SASH1: variants seen among roughly 807,000 people sequenced by gnomAD.
The protein encoded by SASH1 is SAM and SH3 domain-containing protein 1.
SASH1 carries 44 observed loss-of-function variants against 125.2 expected under a neutral mutation model. The ratio of observed to expected loss-of-function variants is 0.35; its 90% CI spans 0.28 to 0.45. The LOEUF is 0.45. Among genes scored for constraint, SASH1 ranks in the 20% least tolerant of loss-of-function variants. SASH1 has a pLI of 1.00. For missense variants in SASH1, 1,426 were observed against 1,614.5 expected, an observed-to-expected ratio of 0.88 and a Z score of 2.00; for synonymous variants, 639 against 649.1, an observed-to-expected ratio of 0.98 and a Z score of 0.24.
intron 8 of SASH1, among the ~76,000 whole-genome samples, chr6:148,499,064 T>TTG (rs1779450508): frequency 2.7e-5 from 4 of 150,410 alleles, no homozygotes; most frequent in Non-Finnish European, 1.5e-5. Context: ...TTTGTTTTTT[T>TTG]TTTTTTTTTT....
At chr6:148,493,550 A>T (rs1176008002) in intron 8 of SASH1, among the ~76,000 whole-genome samples, 1 of 152,206 alleles carries the variant, frequency 6.6e-6, no homozygotes, top group African/African-American at 2.4e-5. Flanking sequence ...AGTTTTAGGG[A>T]TCACAAGGCC....
At chr6:148,198,719 G>C in the SASH1 span, among the ~76,000 whole-genome samples, 9 of 152,198 alleles carry the variant, frequency 5.9e-5, no homozygotes, top group African/African-American at 2.2e-4. Flanking sequence ...TCATCAACAT[G>C]TTCTGTTTGA....
the SASH1 span, among the ~76,000 whole-genome samples, chr6:148,252,018 GA>G: frequency 6.6e-6 from 1 of 152,148 alleles, no homozygotes. Context: ...GCAATAGAGA[GA>G]AAAGCTACAC....
At chr6:148,498,228 AAC>A (rs748740243) in intron 8 of SASH1, among the ~76,000 whole-genome samples, 18,461 of 99,056 alleles carry the variant, frequency 0.19, 1,202 homozygotes, top group African/African-American at 0.24. Flanking sequence ...TACAAAAACA[AAC>A]AAACAAAAAA....
intron 2 of SASH1, among the ~76,000 whole-genome samples, chr6:148,409,674 G>A (rs370196234): frequency 2.6e-5 from 4 of 152,350 alleles, no homozygotes; most frequent in South Asian, 4.1e-4. Flanking sequence ...GGTGGCTCAC[G>A]CCTGTAATCC....
chr6:148,532,975 C>T lies in SASH1; in HGVS notation c.1734+9C>T, dbSNP rs1048300751. ...ACTCACTCAAGCTCAAGGTATCTCT[C>T]TCCCTGGCCTCAGAGCAGCTAACTG... is the stretch of plus-strand genomic sequence containing the variant. On this transcript the variant is annotated intron_variant, in intron 14 of 19. Transcript: ENST00000367467. The surrounding 1 kb of genome is among the most constrained non-coding windows in gnomAD (Gnocchi z 4.7). 3.7e-6 allele frequency: 6 copies of T among 1,613,178 alleles called. No homozygotes were observed. In the African/African-American group the frequency reaches 5.3e-5, roughly 14 times the overall value.
chr6:148,393,834 A>C (rs186906529), intron 2 of SASH1: 1 of 506,410 alleles, frequency 2.0e-6, no homozygotes, highest in African/African-American at 2.1e-5. Flanking sequence ...TCATTCTTTA[A>C]ATTGTAGTTA....
At chr6:148,399,132 C>T (rs1370543166) in intron 2 of SASH1, among the ~76,000 whole-genome samples, 1 of 151,994 alleles carries the variant, frequency 6.6e-6, no homozygotes, top group East Asian at 1.9e-4. Context: ...GCGGAAACCA[C>T]CGGGTTGGCT....
At chr6:148,383,623 CT>C (rs1407817745) in intron 1 of SASH1, among the ~76,000 whole-genome samples, 2 of 151,884 alleles carry the variant, frequency 1.3e-5, no homozygotes, top group Non-Finnish European at 2.9e-5. Context: ...TTTTCAGATG[CT>C]TTTTTTTCTT....
At chr6:148,274,767 G>C (rs1464870945) in intron 1 of SASH1, among the ~76,000 whole-genome samples, 2 of 152,206 alleles carry the variant, frequency 1.3e-5, no homozygotes, top group Admixed American at 1.3e-4. Context: ...TCAGAAGTTT[G>C]GGGAGAAAAT....
chr6:148,351,978 G>A (rs1781745404), intron 1 of SASH1, among the ~76,000 whole-genome samples: 1 of 151,888 alleles, frequency 6.6e-6, no homozygotes, highest in Non-Finnish European at 1.5e-5. Context: ...CAACTTTGTA[G>A]CATTCCTTGT....
At chr6:148,298,681 G>A (rs1779834141) in intron 1 of SASH1, among the ~76,000 whole-genome samples, 1 of 78,854 alleles carries the variant, frequency 1.3e-5, no homozygotes, top group African/African-American at 4.9e-5. Flanking sequence ...AAGGAAGGAA[G>A]GAAGGAAGGA....
intron 1 of SASH1, among the ~76,000 whole-genome samples, chr6:148,301,745 ATTTT>A (rs34707015): frequency 0.029 from 2,976 of 102,846 alleles, 100 homozygotes; most frequent in African/African-American, 0.096. Flanking sequence ...CATCTTGGTG[ATTTT>A]TTTTTTTTTT....
chr6:148,540,568 A>G lies in SASH1; in HGVS notation c.2209+12A>G, dbSNP rs1183430461. 16 of 1,599,972 alleles carry G rather than the reference A, an allele frequency of 1.0e-5. No homozygotes were observed. Among genetic ancestry groups the G allele is most frequent in the Non-Finnish European group, 1.1e-5 (13 of 1,168,078 alleles). On this transcript the variant is annotated intron_variant, in intron 17 of 19. Coordinates refer to ENST00000367467, the MANE Select transcript of SASH1 (RefSeq NM_015278.5). ...GAACCTGGAAAACGGTAATGTCAGC[A>G]TGAGTCGCTGGGAACCTGCTTTGAC...
At chr6:148,447,532 T>A (rs1776850931) in intron 4 of SASH1, among the ~76,000 whole-genome samples, 1 of 152,184 alleles carries the variant, frequency 6.6e-6, no homozygotes, top group Non-Finnish European at 1.5e-5. Context: ...CACACATGCC[T>A]GTTGCAGTCC....
chr6:148,358,060 C>CAAAAAAAAAAAAAAAAAAAAAAAA (rs34729070), intron 1 of SASH1, among the ~76,000 whole-genome samples: 1 of 65,628 alleles, frequency 1.5e-5, no homozygotes. Flanking sequence ...AACTCCGTCT[C>CAAAAAAAAAAAAAAAAAAAAAAAA]AAAAAAAAAA....
chr6:148,520,672 C>T (rs1486308294), intron 10 of SASH1, among the ~76,000 whole-genome samples: 5 of 152,002 alleles, frequency 3.3e-5, no homozygotes, highest in African/African-American at 4.8e-5. Flanking sequence ...GGGGTTTGGC[C>T]GCCTCCAGGA....
chr6:148,289,166 A>G (rs1035854296), intron 1 of SASH1, among the ~76,000 whole-genome samples: 1 of 152,146 alleles, frequency 6.6e-6, no homozygotes, highest in Admixed American at 6.5e-5. Context: ...AAAGCACTAA[A>G]ACACAACATC....
At chr6:148,323,104 G>A (rs566444265) in intron 1 of SASH1, among the ~76,000 whole-genome samples, 1 of 151,746 alleles carries the variant, frequency 6.6e-6, no homozygotes, top group East Asian at 1.9e-4. Flanking sequence ...CTGCCTCCCG[G>A]GTTTAAGTGA....
Sources: allele counts gnomAD v4.1 joint callset (sites outside exome capture counted in the v4.1 genomes callset), GRCh38; gene constraint gnomAD v4.1.1; non-coding constraint Gnocchi (gnomAD v3.1); transcripts MANE v1.5; gene names NCBI Gene and HGNC (gene_info 2026-07-23, HGNC 2026-07-21).